The following NFYA variants were observed in gnomAD, a reference collection of about 807,000 sequenced individuals.
The protein encoded by NFYA is nuclear transcription factor Y subunit alpha.
Under a neutral mutation model 52.8 loss-of-function variants are expected in NFYA, and 28 were observed. The observed-to-expected ratio is 0.53, with a 90% confidence interval of 0.39 to 0.73. NFYA has a LOEUF of 0.73. Among genes scored for constraint, NFYA ranks in the 30% least tolerant of loss-of-function variants. NFYA has a pLI of 0.00. For missense variants in NFYA, 234 were observed against 427.0 expected (o/e 0.55, Z 3.98); for synonymous variants, 150 against 150.7 (o/e 1.00, Z 0.03).
At chr6:41,076,248 G>GA (rs924788177) in intron 1 of NFYA, among the ~76,000 whole-genome samples, 260 of 151,788 alleles carry the variant, frequency 1.7e-3, no homozygotes, top group South Asian at 6.0e-3. Flanking sequence ...TCTCTTAAAA[G>GA]AAAAAAAAGA....
chr6:41,073,828 C>T (rs953298260), intron 1 of NFYA, among the ~76,000 whole-genome samples: 52 of 152,314 alleles, frequency 3.4e-4, no homozygotes, highest in Admixed American at 2.7e-3. Flanking sequence ...CGGCCCGGCG[C>T]CGTTACCACC....
Position 41,093,101 on chromosome 6 carries a change from G to A in NFYA, c.888+16G>A, listed in dbSNP as rs2113818754. 6.2e-7 allele frequency: 1 copy of A among 1,611,066 alleles called. No homozygotes were observed. Among genetic ancestry groups the A allele is most frequent in the East Asian group, 2.2e-5 (1 of 44,846 alleles). The stretch of plus-strand genomic sequence containing the variant: ...GGAGAGAAGGGTATGTATAACATTG[G>A]GAAGGATATAGGAAAGGAGAATAGC... On this transcript the variant is annotated intron_variant, in intron 8 of 9. Coordinates refer to ENST00000341376, the MANE Select transcript of NFYA (RefSeq NM_002505.5).
intron 4 of NFYA, 97 bp from the exon 5 acceptor site, chr6:41,089,482 C>G: frequency 7.5e-7 from 1 of 1,341,756 alleles, no homozygotes. Context: ...CTCTTCAGAA[C>G]ATTTTCTGCT....
At chr6:41,093,424 G>C (rs552575563) in intron 8 of NFYA, among the ~76,000 whole-genome samples, 1 of 151,644 alleles carries the variant, frequency 6.6e-6, no homozygotes, top group East Asian at 1.9e-4. Flanking sequence ...CAAGATTCCT[G>C]CTTAGGCTCC....
chr6:41,095,827 C>T (rs958319227), intron 9 of NFYA, among the ~76,000 whole-genome samples: 4 of 152,112 alleles, frequency 2.6e-5, no homozygotes, highest in Non-Finnish European at 5.9e-5. Context: ...AGGATTGTTT[C>T]GTTCTCTGTT....
At position 41,094,511 on chromosome 6, in the gene NFYA, T is replaced by G. The variant is rs758357237; in HGVS notation, c.990+14T>G. 1 of 1,593,274 alleles carries G rather than the reference T, an allele frequency of 6.3e-7. No individual in the cohort carries two copies. The highest frequency in any genetic ancestry group is 1.7e-5 in the Admixed American group (1 of 59,998). ...CCCCATATGCAGGTAGGAAGACATA[T>G]ACATTTTATTCTTCTCTTTATTACC... On this transcript the variant is annotated intron_variant, in intron 9 of 9. Transcript: ENST00000341376.
At chr6:41,083,044 G>A (rs572665411) in intron 3 of NFYA, among the ~76,000 whole-genome samples, 1 of 152,302 alleles carries the variant, frequency 6.6e-6, no homozygotes, top group Non-Finnish European at 1.5e-5. Flanking sequence ...CATTAAGTGT[G>A]AATATTTCAG....
intron 1 of NFYA, among the ~76,000 whole-genome samples, chr6:41,076,297 T>A (rs2114083690): frequency 6.6e-6 from 1 of 152,298 alleles, no homozygotes. Context: ...TGTATAAAGG[T>A]AAATGCTGTT....
Position 41,091,637 on chromosome 6 carries a change from T to C in NFYA, c.657T>C (p.Thr219=). 1 of 1,614,236 alleles carries C rather than the reference T, an allele frequency of 6.2e-7. No homozygotes were observed. Among genetic ancestry groups the C allele is most frequent in the Admixed American group, 1.7e-5 (1 of 60,030 alleles). The change falls in exon 7 of 10, where the codon ACT becomes ACC. Residue 219 remains threonine (T), a synonymous_variant. Coordinates refer to ENST00000341376, the MANE Select transcript of NFYA (RefSeq NM_002505.5). ...ACACAACCAGCAGTGGGCAAGGGACTGTCACTGTGACACTACCAGTGGCAG... is the reference window on the plus strand; with the variant it reads ...ACACAACCAGCAGTGGGCAAGGGACCGTCACTGTGACACTACCAGTGGCAG... ...NTNTTSSGQG[T]VTVTLPVAGN...
chr6:41,074,358 A>G (rs1414449550), intron 1 of NFYA, among the ~76,000 whole-genome samples: 2 of 152,236 alleles, frequency 1.3e-5, no homozygotes, highest in African/African-American at 4.8e-5. Flanking sequence ...GGGAGTACGT[A>G]GAGGTCAATA....
chr6:41,088,191 G>A (rs891310924), intron 4 of NFYA, among the ~76,000 whole-genome samples: 15 of 151,922 alleles, frequency 9.9e-5, no homozygotes. Flanking sequence ...GGCCGAGGCG[G>A]GTGGATCACA....
intron 9 of NFYA, among the ~76,000 whole-genome samples, chr6:41,095,233 C>T (rs1053153949): frequency 1.3e-5 from 2 of 152,198 alleles, no homozygotes; most frequent in Admixed American, 6.5e-5. Flanking sequence ...CCAGCAAAGC[C>T]TTACATGCTC....
Position 41,100,081 on chromosome 6 carries a change from T to A in NFYA, c.*2671T>A, listed in dbSNP as rs896022105. ...AAGACTTGTCTGCATGGACGGTGTC[T>A]CTGTAAACAGTATCAAACTTGTAAT... On this transcript the variant is annotated 3_prime_UTR_variant, in exon 10 of 10. Transcript: ENST00000341376. 1 of 152,228 alleles carries A rather than the reference T, an allele frequency of 6.6e-6. No homozygotes were observed. Among genetic ancestry groups the A allele is most frequent in the African/African-American group, 2.4e-5 (1 of 41,446 alleles). 9.4% of individuals were successfully genotyped at this position (152,228 alleles called of 1,614,324 possible).
intron 1 of NFYA, 60 bp from the exon 2 acceptor site, chr6:41,078,969 T>A: frequency 1.4e-6 from 1 of 725,798 alleles, no homozygotes; most frequent in South Asian, 1.9e-5. Context: ...CCAGGTTAAT[T>A]GTCTGGTAAG....
At chr6:41,078,432 A>G (rs1763800816) in intron 1 of NFYA, among the ~76,000 whole-genome samples, 1 of 152,194 alleles carries the variant, frequency 6.6e-6, no homozygotes, top group Non-Finnish European at 1.5e-5. Flanking sequence ...TTTTGTTTAT[A>G]TATCTGTCCT....
chr6:41,095,780 G>A (rs1764336584), intron 9 of NFYA, among the ~76,000 whole-genome samples: 1 of 152,126 alleles, frequency 6.6e-6, no homozygotes, highest in Admixed American at 6.5e-5. Flanking sequence ...TTTCAAGATT[G>A]TTTCCTTCAC....
chr6:41,094,403 T>C lies in NFYA; in HGVS notation c.896T>C (p.Leu299Pro). The change falls in exon 9 of 10, where the codon CTG becomes CCG. Residue 299 changes from leucine to proline, a missense_variant. By Grantham distance (98) the Leu-to-Pro change is moderately conservative (BLOSUM62 -3). This residue lies in a region of NFYA where 81 missense variants were observed against 210.5 expected (regional missense o/e 0.38). Transcript: ENST00000341376. ...TTTTATTTCTCGTTTTAGAAATACC[T>C]GCATGAGTCTCGGCACCGTCATGCC... ...GKIPKERRKY[L>P]HESRHRHAMA... The C allele has an allele frequency of 6.2e-7, 1 of 1,614,020 alleles. No individual in the cohort carries two copies. Among genetic ancestry groups the C allele is most frequent in the Non-Finnish European group, 8.5e-7 (1 of 1,179,858 alleles).
rs372790433 is a variant in NFYA at position 41,077,564 on chromosome 6, T to G, written c.-61-1465T>G. ...AATGTATTGTGTATTAGAGACAAGATAGAATTTAGGGAAGCCTGTTAGTGC... is the reference window on the plus strand; with the variant it reads ...AATGTATTGTGTATTAGAGACAAGAGAGAATTTAGGGAAGCCTGTTAGTGC... On this transcript the variant is annotated intron_variant, in intron 1 of 9. Coordinates refer to ENST00000341376, the MANE Select transcript of NFYA (RefSeq NM_002505.5). 7.9e-4 allele frequency among the ~76,000 whole-genome samples: 120 copies of G among 152,320 alleles called. 5 individuals carry two copies. In the South Asian group the frequency reaches 0.023, roughly 29 times the overall value.
At position 41,090,350 on chromosome 6, in the gene NFYA, A is replaced by G. The variant is rs905161941; in HGVS notation, c.547+41A>G. On this transcript the variant is annotated intron_variant, in intron 6 of 9. Coordinates refer to ENST00000341376, the MANE Select transcript of NFYA (RefSeq NM_002505.5). Reference sequence around the variant, plus strand: ...AGCTTCCCTAGGACTTTTTGGGGCAACTTTTTTGTCCCTTAGACAACTGAC... The same window carrying G: ...AGCTTCCCTAGGACTTTTTGGGGCAGCTTTTTTGTCCCTTAGACAACTGAC... The G allele has an allele frequency of 2.2e-6, 3 of 1,361,032 alleles. No homozygotes were observed. In the African/African-American group the frequency reaches 4.3e-5, roughly 19 times the overall value. 84.3% of individuals were successfully genotyped at this position (1,361,032 alleles called of 1,614,324 possible). A position where few individuals can be genotyped will look rare whatever the true frequency, so the allele number is the denominator to read the frequency against.
Sources: gnomAD v4.1 joint callset for allele counts (sites outside exome capture counted in the v4.1 genomes callset) on GRCh38, gnomAD v4.1.1 for gene constraint, gnomAD v4.1.1 regional missense constraint, MANE v1.5 for transcripts, NCBI Gene and HGNC (gene_info 2026-07-23, HGNC 2026-07-21) for gene names.